The following FRMD4A variants were observed in gnomAD, a reference collection of about 807,000 sequenced individuals.
FRMD4A encodes the protein FERM domain containing 4A, also known as FERM domain-containing protein 4A.
A neutral mutation model predicts 129.1 loss-of-function variants in FRMD4A; 29 were observed. The observed-to-expected ratio is 0.22, with a 90% CI of 0.17 to 0.31. The LOEUF (loss-of-function observed/expected upper bound fraction) is 0.31. Among genes scored for constraint, FRMD4A ranks in the 10% least tolerant of loss-of-function variants. The pLI is 1.00. For synonymous variants in FRMD4A, 634 were observed against 571.6 expected (o/e 1.11, Z -1.56); for missense variants, 1,272 against 1,375.8 (o/e 0.92, Z 1.19).
chr10:13,691,562 G>T (rs1406572004), intron 15 of FRMD4A, among the ~76,000 whole-genome samples: 1 of 152,178 alleles, frequency 6.6e-6, no homozygotes, highest in Non-Finnish European at 1.5e-5. Context: ...TAGACCAGCA[G>T]CATCAGCCTC....
At position 14,238,031 on chromosome 10, in the gene FRMD4A, T is replaced by A. The variant is rs74456394; in HGVS notation, c.45+92027A>T. 9.7e-3 allele frequency among the ~76,000 whole-genome samples: 1,472 copies of A among 152,292 alleles called. 30 individuals carry two copies. The highest frequency in any genetic ancestry group is 0.034 in the African/African-American group (1,414 of 41,556). On this transcript the variant is annotated intron_variant, in intron 2 of 24. Coordinates refer to ENST00000357447, the MANE Select transcript of FRMD4A (RefSeq NM_018027.5). ...CCTGCCTCTCTGCTCAGTGTCTCTGTTGGGACAGGCAGCAAGTGCTTAAAT... is the reference window on the plus strand; with the variant it reads ...CCTGCCTCTCTGCTCAGTGTCTCTGATGGGACAGGCAGCAAGTGCTTAAAT...
chr10:13,750,959 G>A (rs749664980), intron 8 of FRMD4A, among the ~76,000 whole-genome samples: 2 of 152,120 alleles, frequency 1.3e-5, no homozygotes, highest in African/African-American at 4.8e-5. Context: ...CTCTCCCTGC[G>A]TCATGGTAAG....
chr10:13,829,766 C>T (rs2093760814), intron 3 of FRMD4A, among the ~76,000 whole-genome samples: 1 of 152,152 alleles, frequency 6.6e-6, no homozygotes, highest in Non-Finnish European at 1.5e-5. Flanking sequence ...TGAACATGTG[C>T]AGGGAAGACC....
chr10:14,097,762 T>C (rs1837054963), intron 2 of FRMD4A, among the ~76,000 whole-genome samples: 1 of 151,056 alleles, frequency 6.6e-6, no homozygotes, highest in South Asian at 2.1e-4. Context: ...AGGGCAGAGT[T>C]AGCAAATAGA....
At position 13,675,016 on chromosome 10, in the gene FRMD4A, CGACTGCGAGCTATCT is replaced by C; in HGVS notation, c.1131_1145del (p.Asp378_Ser382del). The C allele has an allele frequency of 1.9e-6, 3 of 1,613,644 alleles. No individual in the cohort carries two copies. The highest frequency in any genetic ancestry group is 2.5e-6 in the Non-Finnish European group (3 of 1,179,968). On this transcript the variant is annotated inframe_deletion, in exon 16 of 25. Coordinates refer to ENST00000357447, the MANE Select transcript of FRMD4A (RefSeq NM_018027.5). Reference sequence around the variant, plus strand: ...AGGCAGCCAGCATGTCCTTCTTGGCCGACTGCGAGCTATCTGATTCCTGAGAACCTGTCGATAAAC... The same window carrying C: ...AGGCAGCCAGCATGTCCTTCTTGGCCGATTCCTGAGAACCTGTCGATAAAC...
At chr10:14,316,126 G>C (rs1356905886) in intron 2 of FRMD4A, among the ~76,000 whole-genome samples, 1 of 152,192 alleles carries the variant, frequency 6.6e-6, no homozygotes, top group South Asian at 2.1e-4. Flanking sequence ...TGATATATCT[G>C]ATCCAAGCAT....
chr10:13,743,664 C>T (rs1270432880), intron 9 of FRMD4A, among the ~76,000 whole-genome samples: 2 of 150,070 alleles, frequency 1.3e-5, no homozygotes, highest in African/African-American at 2.5e-5. Flanking sequence ...TTGCCGCCCC[C>T]TGTTTGCCCT....
At chr10:14,128,164 T>C (rs149731588) in intron 2 of FRMD4A, among the ~76,000 whole-genome samples, 1,875 of 150,632 alleles carry the variant, frequency 0.012, 33 homozygotes, top group African/African-American at 0.043. Context: ...AGTGCAGTGG[T>C]GTAATCTCAG....
chr10:14,014,454 G>A (rs533991559), intron 2 of FRMD4A, among the ~76,000 whole-genome samples: 3 of 152,162 alleles, frequency 2.0e-5, no homozygotes, highest in African/African-American at 7.2e-5. Flanking sequence ...GGAGGGGGGA[G>A]TTTGGAAGGG....
rs1245842010 is a variant in FRMD4A at position 13,645,826 on chromosome 10, A to G, written c.*1212T>C. On this transcript the variant is annotated 3_prime_UTR_variant, in exon 25 of 25. Coordinates refer to ENST00000357447, the MANE Select transcript of FRMD4A (RefSeq NM_018027.5). ...ACAGAAAATGAGCCACGACAGTTAAACACTGAATGGATCGCAATGTGCTTT... is the reference window on the plus strand; with the variant it reads ...ACAGAAAATGAGCCACGACAGTTAAGCACTGAATGGATCGCAATGTGCTTT... 1.3e-5 allele frequency: 2 copies of G among 152,672 alleles called. No homozygotes were observed. Among genetic ancestry groups the G allele is most frequent in the Admixed American group, 6.5e-5 (1 of 15,282 alleles). The allele number at this position is 152,672 out of a possible 1,614,324, so 9.5% of individuals were successfully genotyped here.
At chr10:13,753,334 T>A (rs756563698) in intron 8 of FRMD4A, among the ~76,000 whole-genome samples, 5 of 152,120 alleles carry the variant, frequency 3.3e-5, no homozygotes, top group African/African-American at 4.8e-5. Context: ...TCTTCCACCA[T>A]TGGGTTGGGT....
intron 2 of FRMD4A, among the ~76,000 whole-genome samples, chr10:13,867,983 G>T (rs1333246125): frequency 6.8e-6 from 1 of 146,456 alleles, no homozygotes; most frequent in Non-Finnish European, 1.5e-5. Flanking sequence ...TCTGGGCATG[G>T]TGGCTCACCC....
chr10:14,171,927 T>G (rs1037400404), intron 2 of FRMD4A, among the ~76,000 whole-genome samples: 4 of 152,230 alleles, frequency 2.6e-5, no homozygotes, highest in African/African-American at 9.6e-5. Flanking sequence ...AGTTTAAGTA[T>G]GGCAACCACC....
chr10:13,695,569 G>A (rs2086143825), intron 14 of FRMD4A, among the ~76,000 whole-genome samples: 2 of 152,202 alleles, frequency 1.3e-5, no homozygotes, highest in Admixed American at 6.5e-5. Flanking sequence ...AACTTTTTGT[G>A]AGTGTGCTGA....
At chr10:14,024,326 G>A (rs1017906552) in intron 2 of FRMD4A, among the ~76,000 whole-genome samples, 11 of 152,202 alleles carry the variant, frequency 7.2e-5, no homozygotes, top group Non-Finnish European at 1.0e-4. Flanking sequence ...ACTCTCTTGC[G>A]CCTGGAATAG....
At chr10:14,221,227 T>C (rs557528035) in intron 2 of FRMD4A, among the ~76,000 whole-genome samples, 3 of 152,216 alleles carry the variant, frequency 2.0e-5, no homozygotes, top group Non-Finnish European at 4.4e-5. Flanking sequence ...CCCCTTAACT[T>C]TTCTTACCTG....
At chr10:13,738,652 ACT>A (rs2090794203) in intron 11 of FRMD4A, among the ~76,000 whole-genome samples, 1 of 151,830 alleles carries the variant, frequency 6.6e-6, no homozygotes, top group African/African-American at 2.4e-5. Context: ...ATGGAGTCTC[ACT>A]CTGTCACCCA....
chr10:14,131,289 C>T lies in FRMD4A; in HGVS notation c.45+198769G>A, dbSNP rs775731949. Among the ~76,000 whole-genome samples the T allele has an allele frequency of 2.6e-5, 4 of 152,136 alleles. No homozygotes were observed. The East Asian group carries it at 7.7e-4, about 29-fold the overall frequency. The stretch of plus-strand genomic sequence containing the variant: ...AGCAAGAAGAGAGGCTCAGGCGATG[C>T]AGAAGCTTCATTTGTTGAGGGAGGA... On this transcript the variant is annotated intron_variant, in intron 2 of 24. Coordinates refer to ENST00000357447, the MANE Select transcript of FRMD4A (RefSeq NM_018027.5).
intron 2 of FRMD4A, among the ~76,000 whole-genome samples, chr10:14,175,453 T>C (rs1396971371): frequency 6.6e-6 from 1 of 151,118 alleles, no homozygotes; most frequent in Non-Finnish European, 1.5e-5. Flanking sequence ...AGCATTCCAA[T>C]AGAACTTCAG....
Sources: gnomAD v4.1 joint callset for allele counts (sites outside exome capture counted in the v4.1 genomes callset) on GRCh38, gnomAD v4.1.1 for gene constraint, MANE v1.5 for transcripts, NCBI Gene and HGNC (gene_info 2026-07-23, HGNC 2026-07-21) for gene names.